ADAM12: variants seen among roughly 807,000 people sequenced by gnomAD.
ADAM12 encodes the protein disintegrin and metalloproteinase domain-containing protein 12.
A neutral mutation model predicts 106.4 loss-of-function variants in ADAM12; 70 were observed. That is an observed-to-expected ratio of 0.66 (90% confidence interval 0.54 to 0.80). The LOEUF is 0.80. Among genes scored for constraint, ADAM12 ranks in the 30% least tolerant of loss-of-function variants. ADAM12 has a pLI of 0.00. For synonymous variants in ADAM12, 420 were observed against 433.5 expected (o/e 0.97, Z 0.39); for missense variants, 1,010 against 1,171.9 (o/e 0.86, Z 2.02).
intron 5 of ADAM12, among the ~76,000 whole-genome samples, chr10:126,121,043 T>TAATATATATTATATATGC (rs1381955898): frequency 1.2e-4 from 2 of 16,394 alleles, no homozygotes; most frequent in Non-Finnish European, 9.4e-5. Context: ...ATATGCAATA[T>TAATATATATTATATATGC]AATATATTAT....
Position 126,064,456 on chromosome 10 carries a change from G to A in ADAM12, c.1609+350C>T, listed in dbSNP as rs772168276. ...GGTGGATTCATCCCTGCCATCCCTCGGGGCACGCAGTAGGTGCTCCTGCAG... is the reference window on the plus strand; with the variant it reads ...GGTGGATTCATCCCTGCCATCCCTCAGGGCACGCAGTAGGTGCTCCTGCAG... On this transcript the variant is annotated intron_variant, in intron 14 of 22. Transcript: ENST00000448723. This position sits in a 1 kb window ranked among gnomAD's most constrained non-coding sequence, Gnocchi z 4.4. Among the ~76,000 whole-genome samples, 19 of 152,136 alleles carry A rather than the reference G, an allele frequency of 1.2e-4. No individual in the cohort carries two copies. The highest frequency in any genetic ancestry group is 4.6e-4 in the African/African-American group (19 of 41,408).
At chr10:126,094,782 G>T (rs1955526261) in intron 10 of ADAM12, among the ~76,000 whole-genome samples, 1 of 152,102 alleles carries the variant, frequency 6.6e-6, no homozygotes, top group Non-Finnish European at 1.5e-5. Context: ...GTGTTGCCAG[G>T]CAGACTTTGG....
intron 1 of ADAM12, among the ~76,000 whole-genome samples, chr10:126,348,698 C>G (rs780038615): frequency 6.6e-6 from 1 of 152,146 alleles, no homozygotes; most frequent in South Asian, 2.1e-4. Flanking sequence ...ACTCACAGAG[C>G]CTTCATCACT....
intron 1 of ADAM12, among the ~76,000 whole-genome samples, chr10:126,349,117 G>A (rs1339219434): frequency 6.6e-6 from 1 of 152,086 alleles, no homozygotes; most frequent in Non-Finnish European, 1.5e-5. Context: ...ATTTTCTATG[G>A]CACAGAATTT....
chr10:126,022,791 A>T (rs549191518), intron 21 of ADAM12, among the ~76,000 whole-genome samples: 2 of 152,386 alleles, frequency 1.3e-5, no homozygotes, highest in East Asian at 3.9e-4. Flanking sequence ...AAGGAAATGA[A>T]TTCAAACCTC....
At chr10:126,311,209 C>T (rs1268760974) in intron 2 of ADAM12, among the ~76,000 whole-genome samples, 3 of 151,698 alleles carry the variant, frequency 2.0e-5, no homozygotes, top group African/African-American at 4.8e-5. Context: ...TAAATTTAAC[C>T]GGGCATCCTA....
At chr10:126,101,333 G>C in intron 8 of ADAM12, 92 bp from the exon 9 acceptor site, 1 of 1,311,918 alleles carries the variant, frequency 7.6e-7, no homozygotes, top group South Asian at 1.4e-5. Flanking sequence ...TTATTTGAGG[G>C]TCACTGACAC....
chr10:126,146,638 G>A (rs1345426302), intron 4 of ADAM12, among the ~76,000 whole-genome samples: 2 of 152,126 alleles, frequency 1.3e-5, no homozygotes, highest in African/African-American at 2.4e-5. Flanking sequence ...TCAGCACACC[G>A]GTGGCACAAG....
At chr10:126,353,067 T>A (rs1357568351) in intron 1 of ADAM12, among the ~76,000 whole-genome samples, 2 of 152,188 alleles carry the variant, frequency 1.3e-5, no homozygotes, top group African/African-American at 4.8e-5. Flanking sequence ...CTTCCTCCCA[T>A]TCGTGGAACA....
intron 4 of ADAM12, among the ~76,000 whole-genome samples, chr10:126,147,483 A>G (rs1956650665): frequency 1.3e-5 from 2 of 152,106 alleles, no homozygotes; most frequent in Non-Finnish European, 2.9e-5. Flanking sequence ...TTCCCCTATC[A>G]CAACCAAGGC....
At chr10:126,384,279 C>T (rs1224467301) in intron 1 of ADAM12, among the ~76,000 whole-genome samples, 1 of 152,130 alleles carries the variant, frequency 6.6e-6, no homozygotes, top group East Asian at 1.9e-4. Context: ...TTGCTGCTGT[C>T]ATGTTTTTTT....
intron 3 of ADAM12, among the ~76,000 whole-genome samples, chr10:126,173,027 G>A (rs575738453): frequency 6.6e-6 from 1 of 152,268 alleles, no homozygotes; most frequent in African/African-American, 2.4e-5. Flanking sequence ...CACACCACAT[G>A]TTCTCACTCA....
intron 2 of ADAM12, among the ~76,000 whole-genome samples, chr10:126,291,515 A>G (rs1262712051): frequency 1.3e-5 from 2 of 152,224 alleles, no homozygotes; most frequent in Non-Finnish European, 2.9e-5. Context: ...AAGATCTTGC[A>G]AAGAGAATTC....
At chr10:126,319,772 G>A (rs185095763) in intron 2 of ADAM12, among the ~76,000 whole-genome samples, 49 of 152,294 alleles carry the variant, frequency 3.2e-4, no homozygotes, top group Admixed American at 2.8e-3. Context: ...GACTTGGTGT[G>A]AGGTACATGA....
chr10:126,160,588 G>A (rs759621457), intron 3 of ADAM12, among the ~76,000 whole-genome samples: 1 of 152,138 alleles, frequency 6.6e-6, no homozygotes, highest in African/African-American at 2.4e-5. Context: ...GGTGTCATGC[G>A]CTCCACACCC....
intron 3 of ADAM12, among the ~76,000 whole-genome samples, chr10:126,245,473 T>C (rs1254322189): frequency 2.0e-5 from 3 of 152,064 alleles, no homozygotes; most frequent in African/African-American, 4.8e-5. Flanking sequence ...AGGATGGCTT[T>C]AGAAGATAGG....
chr10:126,367,426 C>T (rs1855950273), intron 1 of ADAM12, among the ~76,000 whole-genome samples: 1 of 151,428 alleles, frequency 6.6e-6, no homozygotes, highest in South Asian at 2.1e-4. Context: ...AGTACTGCAC[C>T]AGGGATATTT....
At chr10:126,220,488 A>G (rs59871263) in intron 3 of ADAM12, among the ~76,000 whole-genome samples, 333 of 152,342 alleles carry the variant, frequency 2.2e-3, no homozygotes, top group African/African-American at 7.7e-3. Context: ...ATGAGGAAAT[A>G]CAAGTCAAAA....
chr10:126,353,993 T>G (rs1034590993), intron 1 of ADAM12, among the ~76,000 whole-genome samples: 8 of 152,050 alleles, frequency 5.3e-5, no homozygotes, highest in Non-Finnish European at 1.2e-4. Flanking sequence ...AATTCAAACT[T>G]GAGATGCCAT....
Sources: allele counts gnomAD v4.1 joint callset (sites outside exome capture counted in the v4.1 genomes callset), GRCh38; gene constraint gnomAD v4.1.1; non-coding constraint Gnocchi (gnomAD v3.1); transcripts MANE v1.5; gene names NCBI Gene and HGNC (gene_info 2026-07-23, HGNC 2026-07-21).